TACC2: variants seen among roughly 807,000 people sequenced by gnomAD.
TACC2 encodes the protein transforming acidic coiled-coil-containing protein 2.
In TACC2, 137 loss-of-function variants were observed where a neutral mutation model predicts 227.3. That is an observed-to-expected ratio of 0.60 (90% CI 0.52 to 0.69). The LOEUF is 0.69. TACC2 is among the 30% of genes least tolerant of loss of function. The probability of loss-of-function intolerance (pLI) is 0.00; values close to 1 mark genes in which losing one functional copy is unlikely to be tolerated. For missense variants in TACC2, 3,470 were observed against 3,694.4 expected (o/e 0.94, Z 1.57); for synonymous variants, 1,523 against 1,487.5 (o/e 1.02, Z -0.55).
chr10:122,072,942 A>T (rs1480934805), intron 3 of TACC2, among the ~76,000 whole-genome samples: 1 of 150,954 alleles, frequency 6.6e-6, no homozygotes. Context: ...TGAAACCCTG[A>T]CTCTACTAAA....
At chr10:122,163,666 C>A in intron 7 of TACC2, 1 of 1,057,130 alleles carries the variant, frequency 9.5e-7, no homozygotes, top group Non-Finnish European at 1.1e-6. Flanking sequence ...GGCAGAGCCG[C>A]GCACGCCGGC....
rs1383762801 is a variant in TACC2 at position 122,006,544 on chromosome 10, G to A, written c.-45-15393G>A. Among the ~76,000 whole-genome samples the A allele has an allele frequency of 3.3e-5, 5 of 152,082 alleles. No individual in the cohort carries two copies. The East Asian group carries it at 9.6e-4, about 29-fold the overall frequency. On this transcript the variant is annotated intron_variant, in intron 1 of 22. Transcript: ENST00000369005. ...GTTTTTAGATCTTCTTGTCTGGAGG[G>A]CTTTTATCTTTTGTCTTTGAAATCT...
intron 7 of TACC2, among the ~76,000 whole-genome samples, chr10:122,152,059 G>T (rs531260169): frequency 5.4e-4 from 82 of 152,324 alleles, no homozygotes; most frequent in Middle Eastern, 3.4e-3. Flanking sequence ...GGCCAGAAGG[G>T]TATAATTCCC....
chr10:122,117,846 A>AT (rs2084986544), intron 5 of TACC2, among the ~76,000 whole-genome samples: 1 of 152,158 alleles, frequency 6.6e-6, no homozygotes, highest in African/African-American at 2.4e-5. Context: ...GACAAGAGAC[A>AT]GTAAGCAGCT....
chr10:122,228,566 T>C (rs1191367963), intron 14 of TACC2, among the ~76,000 whole-genome samples: 1 of 152,174 alleles, frequency 6.6e-6, no homozygotes, highest in Admixed American at 6.5e-5. Context: ...CATGCCACGG[T>C]CTTCCACACA....
At chr10:122,161,579 A>T (rs1350223274) in intron 7 of TACC2, among the ~76,000 whole-genome samples, 1 of 152,274 alleles carries the variant, frequency 6.6e-6, no homozygotes, top group Admixed American at 6.5e-5. Flanking sequence ...AGAAGTCAGG[A>T]TTTGAACTCG....
chr10:122,001,916 C>A (rs1954406967), intron 1 of TACC2, among the ~76,000 whole-genome samples: 1 of 152,198 alleles, frequency 6.6e-6, no homozygotes, highest in African/African-American at 2.4e-5. Flanking sequence ...TAATTCCAAG[C>A]TCTGAGTCAT....
At chr10:122,145,101 T>G (rs986950756) in intron 7 of TACC2, among the ~76,000 whole-genome samples, 1 of 152,216 alleles carries the variant, frequency 6.6e-6, no homozygotes, top group African/African-American at 2.4e-5. Context: ...ATTACTCTTC[T>G]CAAATATTCT....
At chr10:122,049,287 C>T (rs1257355150) in intron 2 of TACC2, among the ~76,000 whole-genome samples, 1 of 152,110 alleles carries the variant, frequency 6.6e-6, no homozygotes, top group Non-Finnish European at 1.5e-5. Flanking sequence ...CTTTTCTCTG[C>T]CTGCGAGCTC....
In TACC2 at chr10:122,084,037, G is replaced by A. The variant is rs1175638960; in HGVS notation, c.1537G>A (p.Val513Ile). 1 of 1,614,032 alleles carries A rather than the reference G, an allele frequency of 6.2e-7. No individual in the cohort carries two copies. The highest frequency in any genetic ancestry group is 1.1e-5 in the South Asian group (1 of 91,078). The change falls in exon 4 of 23, where the codon GTA (valine) becomes ATA (isoleucine). Residue 513 changes from valine to isoleucine, a missense_variant. By Grantham distance (29) the Val-to-Ile change is conservative (BLOSUM62 3). Coordinates refer to ENST00000369005, the MANE Select transcript of TACC2 (RefSeq NM_206862.4). ...GCAAAGCCATGAGGTCCAACCAGGA[G>A]TACCACCCCCTCCTCTTCCCAAGGA... The part of the protein sequence containing the change: ...TEQSHEVQPG[V>I]PPPPLPKEQS...
intron 13 of TACC2, among the ~76,000 whole-genome samples, chr10:122,227,083 T>C (rs2095644264): frequency 6.6e-6 from 1 of 152,164 alleles, no homozygotes; most frequent in Non-Finnish European, 1.5e-5. Flanking sequence ...CTATCCGTCT[T>C]CCAGAGCGTC....
chr10:122,160,591 A>C lies in TACC2; in HGVS notation c.5834+16885A>C, dbSNP rs541028234. 3.2e-4 allele frequency among the ~76,000 whole-genome samples: 48 copies of C among 152,104 alleles called. No homozygotes were observed. In the South Asian group the frequency reaches 9.1e-3, roughly 29 times the overall value. ...TTTATACGGGTATAATCTCATCTTG[A>C]GGGGACCCTTATGATGTAATCTAAT... On this transcript the variant is annotated intron_variant, in intron 7 of 22. Coordinates refer to ENST00000369005, the MANE Select transcript of TACC2 (RefSeq NM_206862.4).
At chr10:122,037,351 A>G (rs1960745464) in intron 2 of TACC2, among the ~76,000 whole-genome samples, 1 of 152,206 alleles carries the variant, frequency 6.6e-6, no homozygotes, top group South Asian at 2.1e-4. Flanking sequence ...AGCCATGGTG[A>G]TAAAAGAGCA....
chr10:122,202,013 C>CTTTTTTTT (rs767544440), intron 8 of TACC2, among the ~76,000 whole-genome samples: 2 of 102,358 alleles, frequency 2.0e-5, no homozygotes, highest in African/African-American at 3.5e-5. Flanking sequence ...TCTTCTTTAG[C>CTTTTTTTT]TTTTTTTTTT....
chr10:122,127,169 A>C (rs1052887040), intron 5 of TACC2: 3 of 156,728 alleles, frequency 1.9e-5, no homozygotes, highest in African/African-American at 7.2e-5. Flanking sequence ...TGTTGTTCAT[A>C]AGCCACCCCA....
intron 1 of TACC2, among the ~76,000 whole-genome samples, chr10:122,018,507 A>G (rs1271210760): frequency 6.6e-6 from 1 of 151,756 alleles, no homozygotes; most frequent in Non-Finnish European, 1.5e-5. Flanking sequence ...CATTTTCATC[A>G]CCCTAAAAAA....
At chr10:122,079,785 T>C (rs987178764) in intron 3 of TACC2, among the ~76,000 whole-genome samples, 14 of 152,240 alleles carry the variant, frequency 9.2e-5, no homozygotes, top group African/African-American at 3.4e-4. Context: ...TTAGCCTCTG[T>C]TCTCCAGGGT....
chr10:122,078,262 A>G (rs562040225), intron 3 of TACC2, among the ~76,000 whole-genome samples: 4 of 150,516 alleles, frequency 2.7e-5, no homozygotes, highest in East Asian at 2.0e-4. Flanking sequence ...TGTTTAGTAC[A>G]TGGCAACTCT....
At chr10:122,101,979 TG>T (rs1228095853) in intron 5 of TACC2, among the ~76,000 whole-genome samples, 1 of 151,996 alleles carries the variant, frequency 6.6e-6, no homozygotes. Flanking sequence ...TGCTTAATGA[TG>T]GGGAGCTGCT....
Sources: gnomAD v4.1 joint callset for allele counts (sites outside exome capture counted in the v4.1 genomes callset) on GRCh38, gnomAD v4.1.1 for gene constraint, MANE v1.5 for transcripts, NCBI Gene and HGNC (gene_info 2026-07-23, HGNC 2026-07-21) for gene names.